MAN1A1: variants seen among roughly 807,000 people sequenced by gnomAD.
The protein encoded by MAN1A1 is mannosidase alpha class 1A member 1.
A neutral mutation model predicts 70.8 loss-of-function variants in MAN1A1; 29 were observed. The observed-to-expected ratio is 0.41, with a 90% CI of 0.31 to 0.56. The LOEUF (loss-of-function observed/expected upper bound fraction) is 0.56, where lower values mean the gene tolerates loss of function less well. Among genes scored for constraint, MAN1A1 ranks in the 20% least tolerant of loss-of-function variants. The pLI, the probability that MAN1A1 is intolerant of heterozygous loss-of-function variation, is 0.29. For missense variants in MAN1A1, 747 were observed against 841.3 expected (o/e 0.89, Z 1.39); for synonymous variants, 349 against 330.1 (o/e 1.06, Z -0.62).
At position 119,286,592 on chromosome 6, in the gene MAN1A1, T is replaced by A. The variant is rs577860618; in HGVS notation, c.897+4091A>T. Among the ~76,000 whole-genome samples, 8 of 152,290 alleles carry A rather than the reference T, an allele frequency of 5.3e-5. No individual in the cohort carries two copies. In the East Asian group the frequency reaches 1.3e-3, roughly 26 times the overall value. On this transcript the variant is annotated intron_variant, in intron 5 of 12. Transcript: ENST00000368468. ...AAAATGAGAGGTTATCATAGTAAACTCATCTACTGTAAAAATCCATTCTGT... is the reference window on the plus strand; with the variant it reads ...AAAATGAGAGGTTATCATAGTAAACACATCTACTGTAAAAATCCATTCTGT...
At chr6:119,212,216 A>G (rs1774074498) in intron 6 of MAN1A1, among the ~76,000 whole-genome samples, 1 of 151,614 alleles carries the variant, frequency 6.6e-6, no homozygotes, top group Admixed American at 6.6e-5. Context: ...ATCTCTCAAT[A>G]ATTAGGAAAA....
intron 4 of MAN1A1, among the ~76,000 whole-genome samples, chr6:119,292,987 CTT>C (rs1395437413): frequency 7.8e-6 from 1 of 127,558 alleles, no homozygotes; most frequent in Non-Finnish European, 1.8e-5. Context: ...ATCTAATAAA[CTT>C]AAACCCTCAA....
rs1775597849 is a variant in MAN1A1 at position 119,261,046 on chromosome 6, T to C, written c.898-12692A>G. Among the ~76,000 whole-genome samples the C allele has an allele frequency of 3.5e-5, 5 of 144,800 alleles. No individual in the cohort carries two copies. The Admixed American group carries it at 3.5e-4, about 10-fold the overall frequency. 95.0% of individuals were successfully genotyped at this position (144,800 alleles called of 152,430 possible). ...CAGGCTGGAGTGCAGTGGTGCGATC[T>C]CGGCTCACTGCAAGCTCCGCCTCCC... On this transcript the variant is annotated intron_variant, in intron 5 of 12. Coordinates refer to ENST00000368468, the MANE Select transcript of MAN1A1 (RefSeq NM_005907.4).
At position 119,234,079 on chromosome 6, in the gene MAN1A1, A is replaced by G. The variant is rs926821724; in HGVS notation, c.992+14181T>C. On this transcript the variant is annotated intron_variant, in intron 6 of 12. Transcript: ENST00000368468. Reference sequence around the variant, plus strand: ...TTTTTTTCTGTGACAAGTGGTTGTCAGCAAGTATGCTTCCTACCAGATAAT... The same window carrying G: ...TTTTTTTCTGTGACAAGTGGTTGTCGGCAAGTATGCTTCCTACCAGATAAT... 6.6e-5 allele frequency among the ~76,000 whole-genome samples: 10 copies of G among 152,338 alleles called. No individual in the cohort carries two copies. The East Asian group carries it at 1.7e-3, about 26-fold the overall frequency.
chr6:119,345,396 C>T (rs1050096315), intron 2 of MAN1A1, among the ~76,000 whole-genome samples: 5 of 152,098 alleles, frequency 3.3e-5, no homozygotes, highest in Non-Finnish European at 7.4e-5. Flanking sequence ...ATGTATGTAT[C>T]ATAAATCTCA....
In MAN1A1 at chr6:119,277,294, T is replaced by C. The variant is rs565659703; in HGVS notation, c.897+13389A>G. Among the ~76,000 whole-genome samples the C allele has an allele frequency of 2.0e-5, 3 of 152,288 alleles. No individual in the cohort carries two copies. In the East Asian group the frequency reaches 5.8e-4, roughly 29 times the overall value. ...TTATTATTATTAAAATGGTTAACCC[T>C]ATGATCTGTCAGTGAACTATTTTCT... On this transcript the variant is annotated intron_variant, in intron 5 of 12. Coordinates refer to ENST00000368468, the MANE Select transcript of MAN1A1 (RefSeq NM_005907.4).
chr6:119,240,178 C>A (rs966516607), intron 6 of MAN1A1, among the ~76,000 whole-genome samples: 2 of 152,162 alleles, frequency 1.3e-5, no homozygotes, highest in Admixed American at 1.3e-4. Context: ...TCTTAACAGA[C>A]TTCCCACATA....
intron 2 of MAN1A1, among the ~76,000 whole-genome samples, chr6:119,336,908 TAAAG>T (rs1164295318): frequency 6.6e-6 from 1 of 151,764 alleles, no homozygotes; most frequent in Non-Finnish European, 1.5e-5. Context: ...TTCTAGGTAA[TAAAG>T]AAAATAAATG....
intron 4 of MAN1A1, among the ~76,000 whole-genome samples, chr6:119,298,207 A>G (rs1307739680): frequency 1.3e-5 from 2 of 152,192 alleles, no homozygotes; most frequent in Admixed American, 6.5e-5. Flanking sequence ...TTTTCTGCTA[A>G]TATCTATGTG....
At position 119,248,285 on chromosome 6, in the gene MAN1A1, G is replaced by T; in HGVS notation, c.967C>A (p.Pro323Thr). 4 of 1,612,128 alleles carry T rather than the reference G, an allele frequency of 2.5e-6. No homozygotes were observed. Among genetic ancestry groups the T allele is most frequent in the Non-Finnish European group, 3.4e-6 (4 of 1,178,382 alleles). ...LPAFHTPSGI[P>T]WALLNMKSGI... ...CTTTTCATATTCAGCAATGCCCAAG[G>T]TATTCCAGAGGGAGTATGAAATGCA... The change falls in exon 6 of 13, where the codon CCT becomes ACT. Residue 323 changes from proline to threonine, a missense_variant. Physicochemically the swap from Pro to Thr is conservative, Grantham distance 38 (BLOSUM62 -1). Transcript: ENST00000368468.
chr6:119,207,047 C>G (rs1372809422), intron 6 of MAN1A1, among the ~76,000 whole-genome samples: 1 of 152,178 alleles, frequency 6.6e-6, no homozygotes, highest in East Asian at 1.9e-4. Context: ...AATGAAACCT[C>G]AAATTACTTT....
intron 6 of MAN1A1, among the ~76,000 whole-genome samples, chr6:119,213,675 C>A (rs912067762): frequency 2.6e-5 from 4 of 152,156 alleles, no homozygotes; most frequent in Non-Finnish European, 5.9e-5. Flanking sequence ...AAAAACAATT[C>A]TGTTTCTTTT....
intron 2 of MAN1A1, among the ~76,000 whole-genome samples, chr6:119,327,920 T>C (rs1008777321): frequency 6.6e-6 from 1 of 152,028 alleles, no homozygotes; most frequent in Non-Finnish European, 1.5e-5. Context: ...AGCAAGGAAA[T>C]GGGGACCTTA....
chr6:119,231,266 T>C (rs1466385072), intron 6 of MAN1A1, among the ~76,000 whole-genome samples: 1 of 152,158 alleles, frequency 6.6e-6, no homozygotes, highest in African/African-American at 2.4e-5. Flanking sequence ...CGGAGGTCAC[T>C]GGATCATGGG....
chr6:119,325,950 C>A (rs1773136119), intron 2 of MAN1A1, among the ~76,000 whole-genome samples: 1 of 152,138 alleles, frequency 6.6e-6, no homozygotes, highest in African/African-American at 2.4e-5. Flanking sequence ...CTACCAGCAA[C>A]CTGAGGCACA....
At chr6:119,252,801 T>A (rs572750981) in intron 5 of MAN1A1, among the ~76,000 whole-genome samples, 22 of 151,256 alleles carry the variant, frequency 1.5e-4, no homozygotes, top group Middle Eastern at 3.4e-3. Context: ...CAAAAAAAAA[T>A]AAAAAAAATA....
intron 4 of MAN1A1, among the ~76,000 whole-genome samples, chr6:119,300,540 C>T (rs542191581): frequency 6.6e-6 from 1 of 152,212 alleles, no homozygotes; most frequent in Non-Finnish European, 1.5e-5. Flanking sequence ...AGGTGTGAGC[C>T]ACCACGCCCG....
upstream of MAN1A1, among the ~76,000 whole-genome samples, chr6:119,350,148 T>G (rs9374784): frequency 6.6e-6 from 1 of 152,032 alleles, no homozygotes; most frequent in African/African-American, 2.4e-5. Flanking sequence ...GCGCGGGACC[T>G]CTCTGCCTCC....
At chr6:119,331,915 G>T (rs1381123154) in intron 2 of MAN1A1, 1 of 501,290 alleles carries the variant, frequency 2.0e-6, no homozygotes, top group Non-Finnish European at 4.0e-6. Context: ...AGAAGAGGGT[G>T]GGGGCAGGGA....
Sources: allele counts gnomAD v4.1 joint callset (sites outside exome capture counted in the v4.1 genomes callset), GRCh38; gene constraint gnomAD v4.1.1; transcripts MANE v1.5; gene names NCBI Gene and HGNC (gene_info 2026-07-23, HGNC 2026-07-21).